Variants in SLC24A2 observed in about 807,000 individuals in gnomAD.
The protein encoded by SLC24A2 is solute carrier family 24 member 2.
In SLC24A2, 36 loss-of-function variants were observed where a neutral mutation model predicts 62.0. The ratio of observed to expected loss-of-function variants is 0.58; its 90% CI spans 0.44 to 0.77. SLC24A2 has a LOEUF of 0.77. SLC24A2 is among the 30% of genes least tolerant of loss of function. The probability of loss-of-function intolerance (pLI) is 0.00; values close to 1 mark genes in which losing one functional copy is unlikely to be tolerated. For synonymous variants in SLC24A2, 358 were observed against 294.0 expected, an observed-to-expected ratio of 1.22 and a Z score of -2.23; for missense variants, 846 against 817.9, an observed-to-expected ratio of 1.03 and a Z score of -0.42.
chr9:20,104,805 A>C, the SLC24A2 span, among the ~76,000 whole-genome samples: 7 of 152,210 alleles, frequency 4.6e-5, no homozygotes, highest in Non-Finnish European at 8.8e-5. Context: ...CTAGCAAAAT[A>C]ACCAGCTAAC....
chr9:20,096,653 T>C, the SLC24A2 span, among the ~76,000 whole-genome samples: 1 of 152,192 alleles, frequency 6.6e-6, no homozygotes, highest in Admixed American at 6.5e-5. Context: ...TTGTTTCTTC[T>C]GGATTTTACA....
chr9:19,667,286 A>C (rs1017337342), intron 2 of SLC24A2, among the ~76,000 whole-genome samples: 3 of 152,150 alleles, frequency 2.0e-5, no homozygotes, highest in Non-Finnish European at 4.4e-5. Context: ...AAGTATTCGA[A>C]ACTGAATGCA....
chr9:19,602,777 T>C (rs1836875894), intron 4 of SLC24A2, among the ~76,000 whole-genome samples: 1 of 152,216 alleles, frequency 6.6e-6, no homozygotes, highest in Non-Finnish European at 1.5e-5. Context: ...TCAATGTCCT[T>C]ATCTGTAATA....
chr9:20,306,055 A>T, the SLC24A2 span, among the ~76,000 whole-genome samples: 2 of 151,892 alleles, frequency 1.3e-5, 1 homozygote. Flanking sequence ...CTCTTTAAAG[A>T]CCCTATCTCC....
chr9:19,847,837 T>C, the SLC24A2 span, among the ~76,000 whole-genome samples: 5 of 152,212 alleles, frequency 3.3e-5, no homozygotes, highest in Non-Finnish European at 7.3e-5. Flanking sequence ...CCAGTAAACA[T>C]TGACCCAGTT....
At chr9:20,126,535 C>T in the SLC24A2 span, among the ~76,000 whole-genome samples, 35 of 152,130 alleles carry the variant, frequency 2.3e-4, no homozygotes, top group African/African-American at 7.5e-4. Flanking sequence ...GAATTCAGCA[C>T]ATTAAATTTT....
At chr9:20,288,624 G>C in the SLC24A2 span, among the ~76,000 whole-genome samples, 1 of 151,636 alleles carries the variant, frequency 6.6e-6, no homozygotes, top group Non-Finnish European at 1.5e-5. Context: ...CAAAAAATTA[G>C]CAAAGCATGG....
At chr9:20,103,347 G>A in the SLC24A2 span, among the ~76,000 whole-genome samples, 1 of 152,176 alleles carries the variant, frequency 6.6e-6, no homozygotes, top group African/African-American at 2.4e-5. Context: ...AGAGAGCATG[G>A]TTCTCCCAGC....
intron 2 of SLC24A2, among the ~76,000 whole-genome samples, chr9:19,661,154 C>T (rs1341740974): frequency 2.6e-5 from 4 of 151,162 alleles, no homozygotes; most frequent in South Asian, 2.1e-4. Flanking sequence ...AAGAGAAACA[C>T]GGTAAAAAAT....
At chr9:19,747,780 A>G (rs1203806150) in intron 2 of SLC24A2, among the ~76,000 whole-genome samples, 1 of 152,216 alleles carries the variant, frequency 6.6e-6, no homozygotes, top group African/African-American at 2.4e-5. Flanking sequence ...ATGTACATAC[A>G]CACACCACAC....
chr9:19,880,764 G>A, the SLC24A2 span, among the ~76,000 whole-genome samples: 1 of 152,158 alleles, frequency 6.6e-6, no homozygotes, highest in Admixed American at 6.6e-5. Flanking sequence ...AAGAGATTGG[G>A]GGGATTGGAT....
chr9:20,071,238 TA>T, the SLC24A2 span, among the ~76,000 whole-genome samples: 2 of 152,138 alleles, frequency 1.3e-5, no homozygotes, highest in South Asian at 4.1e-4. Flanking sequence ...TAGTTTTTTT[TA>T]TAACAGTGTG....
chr9:19,731,536 TGTGTGTGC>T (rs1214792699), intron 2 of SLC24A2, among the ~76,000 whole-genome samples: 5 of 124,372 alleles, frequency 4.0e-5, no homozygotes, highest in Non-Finnish European at 7.4e-5. Context: ...TGTGTGTGTG[TGTGTGTGC>T]ATGTGTGCAC....
At chr9:19,970,213 A>G in the SLC24A2 span, among the ~76,000 whole-genome samples, 1 of 152,188 alleles carries the variant, frequency 6.6e-6, no homozygotes, top group Non-Finnish European at 1.5e-5. Flanking sequence ...TTTTCCCCTG[A>G]AAGTGGAAGG....
At chr9:19,639,866 G>A (rs1311625962) in intron 2 of SLC24A2, among the ~76,000 whole-genome samples, 2 of 152,220 alleles carry the variant, frequency 1.3e-5, no homozygotes, top group Non-Finnish European at 2.9e-5. Flanking sequence ...ATAAGGCATA[G>A]TAGAGGGAGG....
the SLC24A2 span, among the ~76,000 whole-genome samples, chr9:20,071,104 C>T: frequency 6.6e-6 from 1 of 152,202 alleles, no homozygotes; most frequent in Non-Finnish European, 1.5e-5. Context: ...CCCTCCTTGC[C>T]TTCCACCATG....
At chr9:19,836,584 G>T in the SLC24A2 span, among the ~76,000 whole-genome samples, 109 of 152,204 alleles carry the variant, frequency 7.2e-4, no homozygotes, top group East Asian at 0.011. Context: ...AGGCAATAAT[G>T]AATAGCTTAC....
At chr9:19,636,485 G>A (rs1457049493) in intron 2 of SLC24A2, among the ~76,000 whole-genome samples, 1 of 150,212 alleles carries the variant, frequency 6.7e-6, no homozygotes, top group African/African-American at 2.5e-5. Context: ...AGGCTGCAGT[G>A]CAGTGGTGTG....
the SLC24A2 span, among the ~76,000 whole-genome samples, chr9:19,916,007 A>G: frequency 6.6e-6 from 1 of 152,062 alleles, no homozygotes; most frequent in Non-Finnish European, 1.5e-5. Flanking sequence ...TATCACAGCT[A>G]TATTTTCTTC....
Sources: allele counts gnomAD v4.1 joint callset (sites outside exome capture counted in the v4.1 genomes callset), GRCh38; gene constraint gnomAD v4.1.1; transcripts MANE v1.5; gene names NCBI Gene and HGNC (gene_info 2026-07-23, HGNC 2026-07-21).